Variants in PAIP2B observed in about 807,000 individuals in gnomAD.
PAIP2B encodes the protein poly(A) binding protein interacting protein 2B.
A neutral mutation model predicts 17.0 loss-of-function variants in PAIP2B; 13 were observed. The observed-to-expected ratio is 0.76, with a 90% CI of 0.50 to 1.22. The LOEUF (loss-of-function observed/expected upper bound fraction) is 1.22. PAIP2B is among the 50% of genes most tolerant of loss of function. The pLI, the probability that PAIP2B is intolerant of heterozygous loss-of-function variation, is 0.00. For missense variants in PAIP2B, 117 were observed against 144.5 expected, an observed-to-expected ratio of 0.81 and a Z score of 0.98; for synonymous variants, 43 against 48.7, an observed-to-expected ratio of 0.88 and a Z score of 0.48.
At chr2:71,226,400 C>T (rs1220616652) in intron 1 of PAIP2B, among the ~76,000 whole-genome samples, 1 of 152,038 alleles carries the variant, frequency 6.6e-6, no homozygotes, top group South Asian at 2.1e-4. Context: ...GCAAATGAGG[C>T]ATGAAGAATG....
intron 1 of PAIP2B, among the ~76,000 whole-genome samples, chr2:71,224,114 G>T (rs1241616158): frequency 2.6e-5 from 4 of 152,212 alleles, no homozygotes; most frequent in Non-Finnish European, 4.4e-5. Flanking sequence ...AAGATGACCA[G>T]AGGACAGAGA....
intron 1 of PAIP2B, among the ~76,000 whole-genome samples, chr2:71,215,480 T>C (rs1675405466): frequency 6.6e-6 from 1 of 152,184 alleles, no homozygotes; most frequent in Admixed American, 6.5e-5. Context: ...TGGGTTCTAG[T>C]TCTACCCTTC....
At position 71,187,276 on chromosome 2, in the gene PAIP2B, T is replaced by C. The variant is rs892607551; in HGVS notation, c.*1203A>G. 1 of 152,182 alleles carries C rather than the reference T, an allele frequency of 6.6e-6. No homozygotes were observed. Among genetic ancestry groups the C allele is most frequent in the Non-Finnish European group, 1.5e-5 (1 of 68,046 alleles). The allele number at this position is 152,182 out of a possible 1,614,324, so 9.4% of individuals were successfully genotyped here. ...AAAGAAACACACCCTAAGAGGTCAA[T>C]CTACAAAACTTGCAAAGCTGGGTAT... On this transcript the variant is annotated 3_prime_UTR_variant, in exon 4 of 4. Transcript: ENST00000244221.
At chr2:71,221,384 A>G (rs967471606) in intron 1 of PAIP2B, among the ~76,000 whole-genome samples, 1 of 152,210 alleles carries the variant, frequency 6.6e-6, no homozygotes, top group Non-Finnish European at 1.5e-5. Flanking sequence ...TCACCCTTAA[A>G]GATATCAGCT....
chr2:71,205,116 C>A (rs573330685), intron 1 of PAIP2B, among the ~76,000 whole-genome samples: 1 of 151,904 alleles, frequency 6.6e-6, no homozygotes, highest in Admixed American at 6.6e-5. Context: ...ATAGCAAATT[C>A]CAGGATGTGC....
rs563639738 is a variant in PAIP2B at position 71,188,458 on chromosome 2, C to T, written c.*21G>A. 1 of 1,598,336 alleles carries T rather than the reference C, an allele frequency of 6.3e-7. No individual in the cohort carries two copies. The highest frequency in any genetic ancestry group is 1.3e-5 in the African/African-American group (1 of 74,712). Reference sequence around the variant, plus strand: ...TCCCCAGATGTGGGGACAGACAAGTCTTCCTCAAAGCTTTCTCGGCTCAGT... The same window carrying T: ...TCCCCAGATGTGGGGACAGACAAGTTTTCCTCAAAGCTTTCTCGGCTCAGT... On this transcript the variant is annotated 3_prime_UTR_variant, in exon 4 of 4. Transcript: ENST00000244221.
At chr2:71,201,682 T>G (rs1572928070) in intron 2 of PAIP2B, among the ~76,000 whole-genome samples, 1 of 152,248 alleles carries the variant, frequency 6.6e-6, no homozygotes, top group South Asian at 2.1e-4. Flanking sequence ...TGCCTGGCCT[T>G]AAACTTCTTT....
intron 2 of PAIP2B, among the ~76,000 whole-genome samples, chr2:71,197,210 T>G (rs1415780060): frequency 6.6e-6 from 1 of 152,204 alleles, no homozygotes; most frequent in Non-Finnish European, 1.5e-5. Flanking sequence ...GCAAGTTTAG[T>G]AGTAATGAAG....
chr2:71,202,659 C>G (rs1463320848), intron 1 of PAIP2B, 59 bp from the exon 2 acceptor site: 3 of 1,390,856 alleles, frequency 2.2e-6, no homozygotes, highest in Non-Finnish European at 3.0e-6. Flanking sequence ...ATGTAGAGAC[C>G]TAAAACATGC....
intron 2 of PAIP2B, among the ~76,000 whole-genome samples, chr2:71,200,479 C>T (rs1332852139): frequency 1.3e-5 from 2 of 152,236 alleles, no homozygotes; most frequent in African/African-American, 4.8e-5. Flanking sequence ...AGGCCAGGCA[C>T]GGTGGCTCAC....
intron 1 of PAIP2B, among the ~76,000 whole-genome samples, chr2:71,220,723 T>C (rs556458206): frequency 6.6e-6 from 1 of 152,212 alleles, no homozygotes; most frequent in Admixed American, 6.5e-5. Flanking sequence ...CTTGAACTCC[T>C]GGATTCTCCC....
intron 2 of PAIP2B, among the ~76,000 whole-genome samples, chr2:71,201,411 T>A (rs1674982721): frequency 6.7e-6 from 1 of 149,252 alleles, no homozygotes; most frequent in Non-Finnish European, 1.5e-5. Flanking sequence ...TGAGACAGAG[T>A]CTTGCTCTGT....
intron 2 of PAIP2B, among the ~76,000 whole-genome samples, chr2:71,201,485 A>G (rs1368826068): frequency 6.6e-6 from 1 of 151,918 alleles, no homozygotes; most frequent in East Asian, 1.9e-4. Flanking sequence ...GGTTTAAGCA[A>G]TTCTTGTGCC....
At chr2:71,226,275 C>T (rs954846248) in intron 1 of PAIP2B, among the ~76,000 whole-genome samples, 1 of 152,108 alleles carries the variant, frequency 6.6e-6, no homozygotes, top group Non-Finnish European at 1.5e-5. Flanking sequence ...CTGGAAGAGG[C>T]AAGTGGAAAA....
At chr2:71,193,094 C>T (rs183758187) in intron 2 of PAIP2B, among the ~76,000 whole-genome samples, 4 of 152,230 alleles carry the variant, frequency 2.6e-5, no homozygotes, top group East Asian at 1.9e-4. Flanking sequence ...CTCACCAGCA[C>T]GTGTTTTTTC....
chr2:71,214,064 C>T (rs1437791900), intron 1 of PAIP2B, among the ~76,000 whole-genome samples: 1 of 152,152 alleles, frequency 6.6e-6, no homozygotes, highest in Non-Finnish European at 1.5e-5. Flanking sequence ...TGGACTTGAA[C>T]TTCTAGGCTC....
intron 1 of PAIP2B, among the ~76,000 whole-genome samples, chr2:71,215,470 T>C (rs1000162436): frequency 6.6e-6 from 1 of 152,210 alleles, no homozygotes; most frequent in African/African-American, 2.4e-5. Context: ...GTTTAATCTG[T>C]GGGTTCTAGT....
intron 1 of PAIP2B, among the ~76,000 whole-genome samples, chr2:71,216,883 A>G (rs1356170260): frequency 6.6e-6 from 1 of 152,198 alleles, no homozygotes; most frequent in Non-Finnish European, 1.5e-5. Context: ...CATCCAATGT[A>G]TTTTATTTTT....
chr2:71,210,382 T>C (rs540185797), intron 1 of PAIP2B, among the ~76,000 whole-genome samples: 1 of 152,192 alleles, frequency 6.6e-6, no homozygotes, highest in African/African-American at 2.4e-5. Context: ...TGTACTTCCA[T>C]TTCATTTATT....
Sources: gnomAD v4.1 joint callset for allele counts (sites outside exome capture counted in the v4.1 genomes callset) on GRCh38, gnomAD v4.1.1 for gene constraint, MANE v1.5 for transcripts, NCBI Gene and HGNC (gene_info 2026-07-23, HGNC 2026-07-21) for gene names.